Variants in HEATR4 observed in about 807,000 individuals in gnomAD.
HEATR4 encodes HEAT repeat containing 4.
A neutral mutation model predicts 108.8 loss-of-function variants in HEATR4; 95 were observed. The observed-to-expected ratio is 0.87, with a 90% CI of 0.74 to 1.04. HEATR4 has a LOEUF of 1.04. Among genes scored for constraint, HEATR4 ranks in the 50% least tolerant of loss-of-function variants. The probability of loss-of-function intolerance (pLI) is 0.00; values close to 1 mark genes in which losing one functional copy is unlikely to be tolerated. For synonymous variants in HEATR4, 443 were observed against 459.4 expected (o/e 0.96, Z 0.46); for missense variants, 1,152 against 1,253.8 (o/e 0.92, Z 1.23).
At chr14:73,574,689 T>C in the HEATR4 span, among the ~76,000 whole-genome samples, 297 of 152,038 alleles carry the variant, frequency 2.0e-3, 3 homozygotes, top group Non-Finnish European at 3.5e-3. Context: ...CAGAGAATAA[T>C]TGATAGATCT....
chr14:73,519,147 G>A lies in HEATR4; in HGVS notation c.1086C>T (p.Ile362=). 1.9e-6 allele frequency: 3 copies of A among 1,613,010 alleles called. No homozygotes were observed. Among genetic ancestry groups the A allele is most frequent in the Non-Finnish European group, 2.5e-6 (3 of 1,179,492 alleles). ...QEIYFDEVQI[I]HQIGAKRDQI... is the part of the protein sequence containing the mutation. ...GGTCTCTCTTTGCACCAATCTGGTG[G>A]ATGATCTGGACTTCATCTGTGAACA... Residue 362 remains isoleucine (I), a synonymous_variant, in exon 5 of 18, where the codon ATC becomes ATT. Transcript: ENST00000553558.
intron 2 of HEATR4, among the ~76,000 whole-genome samples, chr14:73,527,611 T>C (rs530377765): frequency 9.9e-5 from 15 of 151,824 alleles, no homozygotes; most frequent in Admixed American, 7.2e-4. Context: ...AAAAAATGCA[T>C]TGGAGTCTCT....
At chr14:73,525,052 G>T (rs1888244503) in intron 2 of HEATR4, among the ~76,000 whole-genome samples, 1 of 152,098 alleles carries the variant, frequency 6.6e-6, no homozygotes, top group Middle Eastern at 3.4e-3. Context: ...TTTGAGACAG[G>T]GTCTTGTTCT....
At chr14:73,495,049 G>T (rs1434877203) in intron 16 of HEATR4, among the ~76,000 whole-genome samples, 179 bp downstream of exon 16, 1 of 100,438 alleles carries the variant, frequency 1.0e-5, no homozygotes, top group African/African-American at 3.8e-5. Flanking sequence ...AAAAACCCGA[G>T]AAACAAACAA....
chr14:73,490,868 G>A (rs1451099008), intron 17 of HEATR4: 5 of 764,712 alleles, frequency 6.5e-6, no homozygotes, highest in Non-Finnish European at 7.2e-6. Context: ...AGAGCGGGAG[G>A]GGCCGAATAG....
chr14:73,509,185 A>G (rs1419354663), intron 8 of HEATR4, 127 bp downstream of exon 8: 2 of 952,384 alleles, frequency 2.1e-6, no homozygotes, highest in South Asian at 1.5e-5. Context: ...CAAATGGTCT[A>G]ACATAAATCT....
chr14:73,572,654 T>C, the HEATR4 span, among the ~76,000 whole-genome samples: 19 of 135,140 alleles, frequency 1.4e-4, no homozygotes, highest in Non-Finnish European at 2.6e-4. Flanking sequence ...TTTTTTTTTT[T>C]TTTTTTTTTT....
the HEATR4 span, chr14:73,573,446 G>A: frequency 7.4e-6 from 12 of 1,613,780 alleles, no homozygotes; most frequent in South Asian, 1.2e-4. Context: ...GCCTGCTGGA[G>A]TATCGGGCTA....
intron 2 of HEATR4, among the ~76,000 whole-genome samples, chr14:73,523,842 G>A (rs576047997): frequency 7.9e-5 from 12 of 152,218 alleles, no homozygotes; most frequent in African/African-American, 2.9e-4. Flanking sequence ...CTCCTGGTCT[G>A]TACCACTTAC....
intron 1 of HEATR4, among the ~76,000 whole-genome samples, 172 bp downstream of exon 1, chr14:73,558,579 C>T (rs1298264364): frequency 7.1e-6 from 1 of 141,190 alleles, no homozygotes; most frequent in Non-Finnish European, 1.5e-5. Flanking sequence ...TGGTCTTGAA[C>T]TCCTGGACTC....
the HEATR4 span, among the ~76,000 whole-genome samples, chr14:73,590,585 G>A: frequency 4.6e-5 from 7 of 152,228 alleles, no homozygotes; most frequent in African/African-American, 1.7e-4. Context: ...GGGGGCGGGG[G>A]CTCAGGCATG....
chr14:73,619,922 T>C, the HEATR4 span: 47 of 1,300,402 alleles, frequency 3.6e-5, no homozygotes, highest in Non-Finnish European at 4.2e-5. Context: ...CTTTTCTCTT[T>C]TTTTTTTTTT....
intron 16 of HEATR4, chr14:73,493,456 A>C (rs1885919775): frequency 3.9e-6 from 1 of 259,230 alleles, no homozygotes; most frequent in Non-Finnish European, 7.9e-6. Context: ...AGCGGGAGGA[A>C]GATAGGGAAA....
chr14:73,506,802 C>CCGGTTTTTTT (rs1886860524), intron 9 of HEATR4, among the ~76,000 whole-genome samples: 1 of 58,056 alleles, frequency 1.7e-5, no homozygotes, highest in South Asian at 5.0e-4. Flanking sequence ...CTGACTTTAA[C>CCGGTTTTTTT]TGTTTTTTTT....
chr14:73,504,416 T>A (rs535273354), intron 10 of HEATR4, among the ~76,000 whole-genome samples: 7 of 152,110 alleles, frequency 4.6e-5, no homozygotes, highest in South Asian at 2.1e-4. Context: ...CTAATTTTTT[T>A]TATTTTTAGT....
rs869167008 is a variant in HEATR4, at chr14:73,535,469, C to CT, written c.-151-5226dup. 1.5e-3 allele frequency among the ~76,000 whole-genome samples: 25 copies of CT among 16,534 alleles called. 3 individuals are homozygous for CT. Among genetic ancestry groups the CT allele is most frequent in the Non-Finnish European group, 3.6e-3 (13 of 3,616 alleles). The allele number at this position is 16,534 out of a possible 152,430, so 10.8% of individuals were successfully genotyped here. A position where few individuals can be genotyped will look rare whatever the true frequency, so the allele number is the denominator to read the frequency against. On this transcript the variant is annotated intron_variant, in intron 1 of 17. Coordinates refer to ENST00000553558, the MANE Select transcript of HEATR4 (RefSeq NM_001220484.1). ...CCTTTTTCTTTTCTTTTTCTTCTTT[C>CT]TTTTTTTTTTTTTTTTTTTTTTTTT...
At chr14:73,558,639 AGCCACTGCACCAG>A (rs1235662838) in intron 1 of HEATR4, 99 bp downstream of exon 1, 6 of 151,096 alleles carry the variant, frequency 4.0e-5, no homozygotes, top group Non-Finnish European at 7.4e-5. Context: ...TACAGGCATG[AGCCACTGCACCAG>A]GCCTAATGTC....
At chr14:73,521,352 G>T (rs560549565) in intron 3 of HEATR4, among the ~76,000 whole-genome samples, 13 of 152,062 alleles carry the variant, frequency 8.5e-5, no homozygotes, top group Non-Finnish European at 1.3e-4. Flanking sequence ...TCTTAGAGGC[G>T]GCATGGCCTT....
At chr14:73,503,321 T>C (rs991576817) in intron 10 of HEATR4, among the ~76,000 whole-genome samples, 6 of 152,208 alleles carry the variant, frequency 3.9e-5, no homozygotes, top group African/African-American at 1.4e-4. Context: ...CAACATAACT[T>C]GTACCTGGGA....
Sources: gnomAD v4.1 joint callset for allele counts (sites outside exome capture counted in the v4.1 genomes callset) on GRCh38, gnomAD v4.1.1 for gene constraint, MANE v1.5 for transcripts, NCBI Gene and HGNC (gene_info 2026-07-23, HGNC 2026-07-21) for gene names.